The following CYRIB variants were observed in gnomAD, a reference collection of about 807,000 sequenced individuals.
CYRIB encodes the protein CYFIP related Rac1 interactor B.
CYRIB carries 8 observed loss-of-function variants against 44.2 expected under a neutral mutation model. That is an observed-to-expected ratio of 0.18 (90% CI 0.11 to 0.33). CYRIB has a LOEUF of 0.33. Among genes scored for constraint, CYRIB ranks in the 10% least tolerant of loss-of-function variants. The pLI is 1.00. For synonymous variants in CYRIB, 131 were observed against 127.2 expected, an observed-to-expected ratio of 1.03 and a Z score of -0.20; for missense variants, 185 against 382.8, an observed-to-expected ratio of 0.48 and a Z score of 4.31.
At chr8:129,870,169 G>C (rs919389839) in intron 4 of CYRIB, among the ~76,000 whole-genome samples, 1 of 152,276 alleles carries the variant, frequency 6.6e-6, no homozygotes, top group South Asian at 2.1e-4. Context: ...AACACTTTGG[G>C]AGGCCAAAGC....
chr8:129,875,534 G>A (rs966879779), intron 3 of CYRIB, among the ~76,000 whole-genome samples: 1 of 152,076 alleles, frequency 6.6e-6, no homozygotes, highest in African/African-American at 2.4e-5. Flanking sequence ...TTTATATGCT[G>A]TCAATAGCAT....
At chr8:129,996,965 A>T (rs543772555) in intron 1 of CYRIB, among the ~76,000 whole-genome samples, 1 of 151,894 alleles carries the variant, frequency 6.6e-6, no homozygotes, top group African/African-American at 2.4e-5. Flanking sequence ...TACCAGCGTG[A>T]ACACAGGCAA....
chr8:129,926,943 T>C (rs1264615848), intron 1 of CYRIB, among the ~76,000 whole-genome samples: 3 of 152,200 alleles, frequency 2.0e-5, no homozygotes, highest in South Asian at 2.1e-4. Flanking sequence ...AATTTTGTTG[T>C]AAGTTCTACA....
At chr8:130,014,129 C>G (rs527856820) in intron 1 of CYRIB, among the ~76,000 whole-genome samples, 1 of 152,302 alleles carries the variant, frequency 6.6e-6, no homozygotes, top group South Asian at 2.1e-4. Context: ...CCTGGCCACT[C>G]CACAGTTCAG....
intron 1 of CYRIB, among the ~76,000 whole-genome samples, chr8:129,984,808 CTT>C (rs2096389232): frequency 6.6e-6 from 1 of 152,094 alleles, no homozygotes; most frequent in African/African-American, 2.4e-5. Context: ...CAGTTTCGCT[CTT>C]GTTGCCCAGG....
chr8:129,882,952 C>T (rs2061331674), intron 2 of CYRIB, among the ~76,000 whole-genome samples: 1 of 151,720 alleles, frequency 6.6e-6, no homozygotes, highest in Non-Finnish European at 1.5e-5. Flanking sequence ...AATCCCAGCA[C>T]TTTGGGATGC....
chr8:130,006,627 T>TATACATATATATGTGTATATATATAC lies in CYRIB; in HGVS notation c.-296+9742_-296+9743insGTATATATATACACATATATATGTAT, dbSNP rs1554785151. Among the ~76,000 whole-genome samples, 27 of 7,544 alleles carry TATACATATATATGTGTATATATATAC rather than the reference T, an allele frequency of 3.6e-3. 1 individual carries two copies. The highest frequency in any genetic ancestry group is 7.3e-3 in the Non-Finnish European group (24 of 3,304). 4.9% of individuals were successfully genotyped at this position (7,544 alleles called of 152,430 possible). A position where few individuals can be genotyped will look rare whatever the true frequency, so the allele number is the denominator to read the frequency against. ...ATATACATATATATGTGTATATATA[T>TATACATATATATGTGTATATATATAC]ACATATATATGTGTATATATATACA... On this transcript the variant is annotated intron_variant, in intron 1 of 14. Transcript: ENST00000401979.
intron 1 of CYRIB, among the ~76,000 whole-genome samples, chr8:129,910,459 A>G (rs144687447): frequency 4.4e-4 from 66 of 151,046 alleles, no homozygotes; most frequent in Non-Finnish European, 8.1e-4. Flanking sequence ...CATCCTTGAC[A>G]AGTGGTGCCT....
chr8:129,894,056 A>G (rs1257071266), intron 2 of CYRIB, among the ~76,000 whole-genome samples: 2 of 152,174 alleles, frequency 1.3e-5, no homozygotes, highest in Non-Finnish European at 2.9e-5. Flanking sequence ...ATTCAAAGAA[A>G]CCAGTTTATT....
In CYRIB at chr8:130,006,642, A is replaced by G. The variant is rs1413663896; in HGVS notation, c.-296+9728T>C. ...TGTATATATATACATATATATGTGT[A>G]TATATATACATATATATATGTATAT... On this transcript the variant is annotated intron_variant, in intron 1 of 14. Coordinates refer to the CYRIB transcript ENST00000401979. Among the ~76,000 whole-genome samples, 9 of 126,650 alleles carry G rather than the reference A, an allele frequency of 7.1e-5. 1 individual carries two copies. Among genetic ancestry groups the G allele is most frequent in the Non-Finnish European group, 1.0e-4 (6 of 59,720 alleles). The allele number at this position is 126,650 out of a possible 152,430, so 83.1% of individuals were successfully genotyped here.
At chr8:129,853,467 T>C (rs2044439066) in intron 7 of CYRIB, among the ~76,000 whole-genome samples, 2 of 152,234 alleles carry the variant, frequency 1.3e-5, no homozygotes. Flanking sequence ...CTTTGATATA[T>C]ATATTTTAAA....
chr8:129,901,160 T>C (rs914477784), intron 2 of CYRIB, among the ~76,000 whole-genome samples: 1 of 152,182 alleles, frequency 6.6e-6, no homozygotes, highest in Non-Finnish European at 1.5e-5. Context: ...TCTGTTATTA[T>C]GGACCAGCAA....
chr8:129,852,751 G>A (rs1362737414), intron 7 of CYRIB, among the ~76,000 whole-genome samples: 1 of 152,206 alleles, frequency 6.6e-6, no homozygotes, highest in South Asian at 2.1e-4. Context: ...GCAGGGGAAA[G>A]AGTATGTTTT....
At chr8:129,910,789 C>T (rs953815651) in intron 1 of CYRIB, among the ~76,000 whole-genome samples, 3 of 152,148 alleles carry the variant, frequency 2.0e-5, no homozygotes, top group East Asian at 3.8e-4. Context: ...GAGCAAGACC[C>T]TAATTCTAAA....
At chr8:129,842,545 T>C (rs935447754) in intron 11 of CYRIB, among the ~76,000 whole-genome samples, 4 of 152,232 alleles carry the variant, frequency 2.6e-5, no homozygotes, top group African/African-American at 9.6e-5. Flanking sequence ...CCATGGGCCA[T>C]CCAATCCACC....
intron 4 of CYRIB, among the ~76,000 whole-genome samples, chr8:129,867,517 T>A (rs1475674785): frequency 6.6e-6 from 1 of 151,978 alleles, no homozygotes; most frequent in African/African-American, 2.4e-5. Context: ...AGGTGGTTAA[T>A]CCTAGACAAT....
At chr8:129,980,247 GAAAA>G (rs2096164877) in intron 1 of CYRIB, among the ~76,000 whole-genome samples, 1 of 129,676 alleles carries the variant, frequency 7.7e-6, no homozygotes, top group African/African-American at 3.0e-5. Context: ...AAAAAAAAAA[GAAAA>G]GAAAAAAGAA....
At chr8:129,841,543 T>G (rs2036310219) in exon 12 of CYRIB, 1 of 152,672 alleles carries the variant, frequency 6.5e-6, no homozygotes, top group South Asian at 2.1e-4. Context: ...ATACGTAATA[T>G]TCTACGCACA....
At chr8:130,011,276 A>G (rs572300950) in intron 1 of CYRIB, among the ~76,000 whole-genome samples, 24 of 150,888 alleles carry the variant, frequency 1.6e-4, no homozygotes, top group Middle Eastern at 3.6e-3. Context: ...ATCCCAGCAC[A>G]TTGGGAGGCT....
Sources: allele counts gnomAD v4.1 joint callset (sites outside exome capture counted in the v4.1 genomes callset), GRCh38; gene constraint gnomAD v4.1.1; transcripts MANE v1.5; gene names NCBI Gene and HGNC (gene_info 2026-07-23, HGNC 2026-07-21).